Variants in KDM2B observed in about 807,000 individuals in gnomAD.
KDM2B encodes the protein lysine demethylase 2B.
In KDM2B, 26 loss-of-function variants were observed where a neutral mutation model predicts 150.0. The ratio of observed to expected loss-of-function variants is 0.17; its 90% CI spans 0.13 to 0.24. The LOEUF is 0.24. KDM2B is among the 10% of genes least tolerant of loss of function. The pLI is 1.00. For synonymous variants in KDM2B, 734 were observed against 729.5 expected (o/e 1.01, Z -0.10); for missense variants, 1,265 against 1,816.9 (o/e 0.70, Z 5.52).
chr12:121,434,302 G>A (rs782431471), intron 22 of KDM2B, among the ~76,000 whole-genome samples: 13 of 151,268 alleles, frequency 8.6e-5, no homozygotes, highest in East Asian at 1.9e-4. Context: ...TTGGGAGGCC[G>A]AGGTGGGCGG....
chr12:121,486,165 G>A (rs1393157338), intron 12 of KDM2B, among the ~76,000 whole-genome samples: 6 of 149,462 alleles, frequency 4.0e-5, no homozygotes, highest in Admixed American at 6.7e-5. Context: ...CTGGAGTTCA[G>A]TGGCACAATC....
the KDM2B span, among the ~76,000 whole-genome samples, chr12:121,408,931 A>G: frequency 6.6e-6 from 1 of 152,194 alleles, no homozygotes; most frequent in Admixed American, 6.5e-5. Flanking sequence ...TAAAAAGGAA[A>G]GGGATTCATT....
intron 11 of KDM2B, among the ~76,000 whole-genome samples, chr12:121,502,741 G>C (rs544108116): frequency 3.7e-5 from 5 of 136,234 alleles, no homozygotes; most frequent in Admixed American, 8.0e-5. Flanking sequence ...GGGCAGCAGA[G>C]CGAGACCCCC....
rs1245179763 is a variant in KDM2B, at chr12:121,430,774, G to A, written c.3830-305C>T. 1.3e-5 allele frequency among the ~76,000 whole-genome samples: 2 copies of A among 152,174 alleles called. No individual in the cohort carries two copies. Among genetic ancestry groups the A allele is most frequent in the Admixed American group, 6.5e-5 (1 of 15,274 alleles). On this transcript the variant is annotated intron_variant, in intron 22 of 22. Coordinates refer to ENST00000377071, the MANE Select transcript of KDM2B (RefSeq NM_032590.5). This position sits in a 1 kb window ranked among gnomAD's most constrained non-coding sequence, Gnocchi z 4.4. ...CGTATGCTCATGTAAGTAGTTCTAT[G>A]TGCTTTTACAATGATAGGTTCACAC...
At chr12:121,443,178 C>T in intron 17 of KDM2B, 148 bp from the exon 18 acceptor site, 1 of 721,880 alleles carries the variant, frequency 1.4e-6, no homozygotes, top group Non-Finnish European at 2.4e-6. Context: ...CACGTCTGAC[C>T]GACAGACGGG....
intron 11 of KDM2B, among the ~76,000 whole-genome samples, chr12:121,503,054 T>C (rs1555302363): frequency 6.6e-6 from 1 of 150,568 alleles, no homozygotes; most frequent in African/African-American, 2.5e-5. Flanking sequence ...CTCAGCTCAC[T>C]GCAACCTCCA....
chr12:121,480,799 T>C (rs151172817), intron 12 of KDM2B, among the ~76,000 whole-genome samples: 2,540 of 151,658 alleles, frequency 0.017, 69 homozygotes, highest in African/African-American at 0.058. Context: ...AAAAAACAGA[T>C]ACTCCTTCCC....
At chr12:121,559,525 G>C (rs1555313461) in intron 4 of KDM2B, among the ~76,000 whole-genome samples, 1 of 152,174 alleles carries the variant, frequency 6.6e-6, no homozygotes, top group Admixed American at 6.6e-5. Flanking sequence ...ACACTACCCA[G>C]AGTGGCACGG....
intron 12 of KDM2B, among the ~76,000 whole-genome samples, chr12:121,455,823 A>G (rs6489811): frequency 0.55 from 84,318 of 152,034 alleles, 23,663 homozygotes; most frequent in East Asian, 0.66. Context: ...CACTACACAC[A>G]TCCATCCGAG....
chr12:121,412,921 T>C, the KDM2B span, among the ~76,000 whole-genome samples: 4 of 151,826 alleles, frequency 2.6e-5, no homozygotes, highest in Admixed American at 2.0e-4. Context: ...TTCACCATGT[T>C]GGCCAGGCTG....
At chr12:121,465,211 G>GTTTC (rs1555294536) in intron 12 of KDM2B, among the ~76,000 whole-genome samples, 2 of 151,464 alleles carry the variant, frequency 1.3e-5, no homozygotes, top group African/African-American at 4.9e-5. Flanking sequence ...GTGAATACAG[G>GTTTC]TTTGTTTGTT....
intron 13 of KDM2B, among the ~76,000 whole-genome samples, chr12:121,450,323 A>G (rs1196964204): frequency 6.6e-6 from 1 of 152,032 alleles, no homozygotes; most frequent in Non-Finnish European, 1.5e-5. Context: ...CAAAAAAAAA[A>G]AAGAAAGAAA....
chr12:121,411,242 T>A, the KDM2B span, among the ~76,000 whole-genome samples: 1 of 152,202 alleles, frequency 6.6e-6, no homozygotes, highest in South Asian at 2.1e-4. Context: ...TTTAATTTTT[T>A]ATTTTATAAT....
intron 12 of KDM2B, 71 bp downstream of exon 12, chr12:121,494,508 G>A (rs782439559): frequency 2.1e-5 from 25 of 1,204,886 alleles, no homozygotes; most frequent in South Asian, 1.7e-4. Flanking sequence ...AAAAAGTCGC[G>A]GCTGTTCACC....
intron 11 of KDM2B, among the ~76,000 whole-genome samples, chr12:121,502,253 T>A (rs555462566): frequency 6.6e-6 from 1 of 152,194 alleles, no homozygotes; most frequent in Non-Finnish European, 1.5e-5. Flanking sequence ...GTACTCCATT[T>A]TACTGCATTC....
At chr12:121,512,993 T>G (rs2140956617) in intron 10 of KDM2B, among the ~76,000 whole-genome samples, 1 of 152,326 alleles carries the variant, frequency 6.6e-6, no homozygotes, top group South Asian at 2.1e-4. Flanking sequence ...GTGATCCCGT[T>G]TTAGCAGCCA....
chr12:121,455,160 G>C lies in KDM2B; in HGVS notation c.1735-1816C>G, dbSNP rs772017434. Among the ~76,000 whole-genome samples, 154 of 152,240 alleles carry C rather than the reference G, an allele frequency of 1.0e-3. 1 individual carries two copies. The highest frequency in any genetic ancestry group is 2.9e-3 in the Admixed American group (45 of 15,288). On this transcript the variant is annotated intron_variant, in intron 12 of 22. Transcript: ENST00000377071. ...CCCCATCAGCCCGAGTGGCCCCTCA[G>C]GAAGCACTGGAGCTCTGGGCCTCTA...
intron 11 of KDM2B, among the ~76,000 whole-genome samples, chr12:121,505,346 G>A (rs1555302757): frequency 6.6e-6 from 1 of 151,084 alleles, no homozygotes; most frequent in Non-Finnish European, 1.5e-5. Context: ...ACCTTAACAT[G>A]GTTAAAATGG....
chr12:121,557,444 T>TAAAA (rs1306713033), intron 4 of KDM2B, among the ~76,000 whole-genome samples: 1 of 152,076 alleles, frequency 6.6e-6, no homozygotes, highest in Non-Finnish European at 1.5e-5. Context: ...TTCACCATTT[T>TAAAA]GCCCAGGCTG....
Sources: allele counts gnomAD v4.1 joint callset (sites outside exome capture counted in the v4.1 genomes callset), GRCh38; gene constraint gnomAD v4.1.1; non-coding constraint Gnocchi (gnomAD v3.1); transcripts MANE v1.5; gene names NCBI Gene and HGNC (gene_info 2026-07-23, HGNC 2026-07-21).